Variants in ACSS3 observed in about 807,000 individuals in gnomAD.
The protein encoded by ACSS3 is acyl-CoA synthetase short-chain family member 3, mitochondrial.
In ACSS3, 64 loss-of-function variants were observed where a neutral mutation model predicts 84.2. The ratio of observed to expected loss-of-function variants is 0.76; its 90% CI spans 0.62 to 0.94. The LOEUF is 0.94. ACSS3 is among the 40% of genes least tolerant of loss of function. The probability of loss-of-function intolerance (pLI) is 0.00; values close to 1 mark genes in which losing one functional copy is unlikely to be tolerated. For missense variants in ACSS3, 815 were observed against 867.6 expected (o/e 0.94, Z 0.76); for synonymous variants, 317 against 310.1 (o/e 1.02, Z -0.23).
chr12:81,221,486 G>A (rs182233761), intron 11 of ACSS3, among the ~76,000 whole-genome samples: 1 of 152,096 alleles, frequency 6.6e-6, no homozygotes, highest in East Asian at 1.9e-4. Context: ...GTTTCTTCAG[G>A]TAGAGATATT....
chr12:81,117,632 G>A (rs1179826070), intron 2 of ACSS3, among the ~76,000 whole-genome samples: 1 of 152,088 alleles, frequency 6.6e-6, no homozygotes, highest in Admixed American at 6.6e-5. Flanking sequence ...AGATCATATA[G>A]AACCTTGCAG....
At chr12:81,124,691 A>C (rs1192244327) in intron 2 of ACSS3, among the ~76,000 whole-genome samples, 1 of 152,134 alleles carries the variant, frequency 6.6e-6, no homozygotes, top group East Asian at 1.9e-4. Context: ...TCTGTGCCTC[A>C]AGCTTAACAG....
chr12:81,113,418 C>T (rs896980579), intron 2 of ACSS3, among the ~76,000 whole-genome samples: 1 of 152,164 alleles, frequency 6.6e-6, no homozygotes, highest in Non-Finnish European at 1.5e-5. Context: ...TTCCTTTCCA[C>T]ACCACTTCAT....
At chr12:81,138,472 T>C (rs1885922790) in intron 3 of ACSS3, among the ~76,000 whole-genome samples, 1 of 152,202 alleles carries the variant, frequency 6.6e-6, no homozygotes, top group Non-Finnish European at 1.5e-5. Context: ...CAGGGATACA[T>C]TTTGCCTACA....
At chr12:81,152,278 T>G (rs774922978) in intron 7 of ACSS3, among the ~76,000 whole-genome samples, 182 bp downstream of exon 7, 1 of 152,196 alleles carries the variant, frequency 6.6e-6, no homozygotes, top group African/African-American at 2.4e-5. Flanking sequence ...TAGCCTGTTA[T>G]TTAAATTTTG....
At chr12:81,103,248 T>G (rs1475199753) in intron 1 of ACSS3, among the ~76,000 whole-genome samples, 1 of 152,118 alleles carries the variant, frequency 6.6e-6, no homozygotes, top group Non-Finnish European at 1.5e-5. Context: ...ACATAACAAG[T>G]GTGTTTGTAT....
intron 2 of ACSS3, among the ~76,000 whole-genome samples, chr12:81,121,425 CT>C (rs773484389): frequency 2.5e-4 from 37 of 147,502 alleles, no homozygotes; most frequent in East Asian, 1.6e-3. Context: ...ACCAATTTGG[CT>C]TTTTTTTTTC....
At chr12:81,144,434 A>G (rs1162198263) in intron 5 of ACSS3, among the ~76,000 whole-genome samples, 1 of 152,186 alleles carries the variant, frequency 6.6e-6, no homozygotes, top group Admixed American at 6.5e-5. Flanking sequence ...GAAGATTGGA[A>G]GATTTATTTA....
At chr12:81,244,298 A>G (rs910222296) in intron 13 of ACSS3, among the ~76,000 whole-genome samples, 3 of 151,318 alleles carry the variant, frequency 2.0e-5, no homozygotes, top group African/African-American at 7.3e-5. Flanking sequence ...TTTTTTCTTT[A>G]TCTTAGATTG....
intron 5 of ACSS3, among the ~76,000 whole-genome samples, chr12:81,145,038 C>A (rs1886267729): frequency 6.8e-6 from 1 of 146,594 alleles, no homozygotes; most frequent in Non-Finnish European, 1.5e-5. Flanking sequence ...GTAGCTGGGA[C>A]TACAGGCGCC....
chr12:81,115,002 T>G (rs1023075581), intron 2 of ACSS3, among the ~76,000 whole-genome samples: 18 of 152,304 alleles, frequency 1.2e-4, no homozygotes, highest in Non-Finnish European at 2.1e-4. Flanking sequence ...TAATACAATG[T>G]ACTCTTTTGT....
chr12:81,101,739 A>G (rs1212388739), intron 1 of ACSS3, among the ~76,000 whole-genome samples: 3 of 152,214 alleles, frequency 2.0e-5, no homozygotes, highest in South Asian at 2.1e-4. Context: ...CACTCTCACT[A>G]TAACTATGTA....
Position 81,233,399 on chromosome 12 carries a change from G to T in ACSS3, c.1647G>T (p.Leu549Phe), listed in dbSNP as rs372573085. 2.5e-6 allele frequency: 4 copies of T among 1,610,968 alleles called. No individual in the cohort carries two copies. In the African/African-American group the frequency reaches 5.4e-5, roughly 22 times the overall value. Residue 549 changes from leucine (L) to phenylalanine (F), a missense_variant, in exon 13 of 16, where the codon TTG becomes TTT. Transcript: ENST00000548058. Reference protein sequence around the residue: ...DAGYMDEEGYLYVMSRVDDVI... With the variant: ...DAGYMDEEGYFYVMSRVDDVI... ...GTTACATGGATGAAGAAGGCTATTTGTATGTTATGTCTCGAGTGGATGATG... is the reference window on the plus strand; with the variant it reads ...GTTACATGGATGAAGAAGGCTATTTTTATGTTATGTCTCGAGTGGATGATG...
intron 8 of ACSS3, among the ~76,000 whole-genome samples, chr12:81,196,364 A>G (rs1327686740): frequency 6.6e-6 from 1 of 152,190 alleles, no homozygotes; most frequent in Non-Finnish European, 1.5e-5. Flanking sequence ...GTATTTAAAA[A>G]AGACTGGAAG....
intron 5 of ACSS3, among the ~76,000 whole-genome samples, chr12:81,151,027 G>C (rs1454509314): frequency 6.6e-6 from 1 of 152,114 alleles, no homozygotes; most frequent in African/African-American, 2.4e-5. Context: ...TTGGGCCAAT[G>C]ATGATTAATG....
chr12:81,170,949 A>C (rs2029989760), intron 7 of ACSS3, among the ~76,000 whole-genome samples: 1 of 152,138 alleles, frequency 6.6e-6, no homozygotes, highest in Non-Finnish European at 1.5e-5. Flanking sequence ...TACTGTTAAT[A>C]ATAAAAGATT....
chr12:81,206,913 T>C (rs2032372287), intron 9 of ACSS3, among the ~76,000 whole-genome samples: 2 of 152,146 alleles, frequency 1.3e-5, no homozygotes, highest in African/African-American at 4.8e-5. Context: ...AGACATTTCA[T>C]CTTTATAGCA....
chr12:81,136,217 A>C (rs1002917999), intron 3 of ACSS3, among the ~76,000 whole-genome samples: 10 of 151,858 alleles, frequency 6.6e-5, no homozygotes, highest in African/African-American at 2.4e-4. Flanking sequence ...TACACATTTA[A>C]AAAATGTTAA....
chr12:81,078,040 C>T (rs1241819978), upstream of ACSS3: 9 of 1,401,306 alleles, frequency 6.4e-6, no homozygotes, highest in South Asian at 1.2e-4. Flanking sequence ...GCCCCCGCCC[C>T]CTACTCCCTT....
Sources: gnomAD v4.1 joint callset for allele counts (sites outside exome capture counted in the v4.1 genomes callset) on GRCh38, gnomAD v4.1.1 for gene constraint, MANE v1.5 for transcripts, NCBI Gene and HGNC (gene_info 2026-07-23, HGNC 2026-07-21) for gene names.